The following HELZ variants were observed in gnomAD, a reference collection of about 807,000 sequenced individuals.
HELZ encodes the protein ATP-dependent RNA helicase with zinc finger domain.
Under a neutral mutation model 218.2 loss-of-function variants are expected in HELZ, and 23 were observed. The observed-to-expected ratio is 0.11, with a 90% CI of 0.08 to 0.15. HELZ has a LOEUF of 0.15. HELZ is among the 10% of genes least tolerant of loss of function. The pLI is 1.00. For missense variants in HELZ, 1,813 were observed against 2,353.7 expected (o/e 0.77, Z 4.75); for synonymous variants, 814 against 829.4 (o/e 0.98, Z 0.32).
chr17:67,116,009 C>G (rs996199570), intron 27 of HELZ, among the ~76,000 whole-genome samples: 2 of 151,874 alleles, frequency 1.3e-5, no homozygotes, highest in Non-Finnish European at 2.9e-5. Context: ...AAGTAAAATA[C>G]ATGATAACAA....
At chr17:67,150,917 C>T (rs1472368308) in intron 18 of HELZ, 129 bp downstream of exon 18, 2 of 708,082 alleles carry the variant, frequency 2.8e-6, no homozygotes, top group African/African-American at 3.6e-5. Context: ...AATAAATGAG[C>T]CAGTAAAACT....
At chr17:67,094,537 C>T (rs990242848) in intron 31 of HELZ, among the ~76,000 whole-genome samples, 2 of 151,950 alleles carry the variant, frequency 1.3e-5, no homozygotes, top group Admixed American at 6.6e-5. Flanking sequence ...ATGTGAGTCA[C>T]GTAAATTTTT....
At position 67,155,803 on chromosome 17, in the gene HELZ, C is replaced by T. The variant is rs904402745; in HGVS notation, c.2177+4458G>A. On this transcript the variant is annotated intron_variant, in intron 17 of 32. Coordinates refer to ENST00000358691, the MANE Select transcript of HELZ (RefSeq NM_014877.4). ...AGTGAGCCCAGATAGCCCCACTGCA[C>T]TCTATTTTGGGCAACAAAGCAAGAC... Among the ~76,000 whole-genome samples the T allele has an allele frequency of 2.7e-5, 4 of 150,356 alleles. No individual in the cohort carries two copies. In the East Asian group the frequency reaches 5.9e-4, roughly 22 times the overall value.
rs1041964594 is a variant in HELZ at position 67,073,459 on chromosome 17, G to C, written c.*4793C>G. The C allele has an allele frequency of 6.6e-6, 1 of 152,490 alleles. No individual in the cohort carries two copies. Among genetic ancestry groups the C allele is most frequent in the African/African-American group, 2.4e-5 (1 of 41,420 alleles). 9.4% of individuals were successfully genotyped at this position (152,490 alleles called of 1,614,324 possible). ...CTCTGTTGAACAAATTGCAAATAAA[G>C]TCTGGTCTAATACTCTGATAACTGA... On this transcript the variant is annotated 3_prime_UTR_variant, in exon 33 of 33. Coordinates refer to ENST00000358691, the MANE Select transcript of HELZ (RefSeq NM_014877.4).
Position 67,108,595 on chromosome 17 carries a change from G to A in HELZ, c.4621C>T (p.Gln1541Ter). The part of the protein sequence containing the change: ...PYPHHHHPHL[Q>*]HLPQPPLGLH... ...CCCAGGGGCGGCTGAGGAAGATGCT[G>A]GAGGTGAGGATGGTGATGGTGTGGG... Residue 1541 changes from glutamine to a stop codon, truncating the protein, a stop_gained, in exon 30 of 33, where the codon CAG (glutamine) becomes TAG (stop). Coordinates refer to ENST00000358691, the MANE Select transcript of HELZ (RefSeq NM_014877.4). LOFTEE classifies it high-confidence loss of function. The surrounding 1 kb of genome is among the most constrained non-coding windows in gnomAD (Gnocchi z 4.1). 1 of 1,614,092 alleles carries A rather than the reference G, an allele frequency of 6.2e-7. No homozygotes were observed. Among genetic ancestry groups the A allele is most frequent in the Non-Finnish European group, 8.5e-7 (1 of 1,179,980 alleles).
chr17:67,184,819 AC>A (rs1173503447), intron 12 of HELZ, among the ~76,000 whole-genome samples: 5 of 143,504 alleles, frequency 3.5e-5, no homozygotes, highest in Non-Finnish European at 7.5e-5. Flanking sequence ...CTGTCTCTAA[AC>A]AAATAAATAA....
intron 3 of HELZ, among the ~76,000 whole-genome samples, chr17:67,229,040 A>C (rs2040968475): frequency 2.0e-5 from 3 of 152,102 alleles, no homozygotes; most frequent in South Asian, 2.1e-4. Flanking sequence ...AAGTAACCCA[A>C]GTGAAGAGGA....
chr17:67,127,407 C>G (rs1267862832), intron 24 of HELZ, among the ~76,000 whole-genome samples: 1 of 152,138 alleles, frequency 6.6e-6, no homozygotes, highest in Non-Finnish European at 1.5e-5. Context: ...TGCCAAATCA[C>G]AAGTATTATT....
Position 67,107,206 on chromosome 17 carries a change from C to T in HELZ, c.5204G>A (p.Arg1735Gln), listed in dbSNP as rs1317050388. Residue 1735 changes from arginine (R) to glutamine (Q), a missense_variant, in exon 31 of 33, where the codon CGA (arginine) becomes CAA (glutamine). Transcript: ENST00000358691. ...GQEPFHPLSS[R>Q]TVSSSSLPSL... is the part of the protein sequence containing the mutation. ...AGGGAGCGAAGAAGAAGATACTGTT[C>T]GAGATGACAATGGGTGAAATGGCTC... The T allele has an allele frequency of 3.1e-6, 5 of 1,613,878 alleles. No homozygotes were observed. The highest frequency in any genetic ancestry group is 4.2e-6 in the Non-Finnish European group (5 of 1,179,978).
At chr17:67,167,994 T>C (rs1426580867) in intron 13 of HELZ, among the ~76,000 whole-genome samples, 198 bp from the exon 14 acceptor site, 1 of 151,814 alleles carries the variant, frequency 6.6e-6, no homozygotes, top group Non-Finnish European at 1.5e-5. Flanking sequence ...TTTTTTTTTG[T>C]TTTTTTGAGA....
intron 23 of HELZ, among the ~76,000 whole-genome samples, chr17:67,133,824 T>G (rs986496835): frequency 6.6e-6 from 1 of 152,216 alleles, no homozygotes; most frequent in Non-Finnish European, 1.5e-5. Context: ...CGGAACACTA[T>G]TCTTAAATCC....
chr17:67,085,529 G>C (rs767051998), intron 32 of HELZ, among the ~76,000 whole-genome samples: 1 of 147,942 alleles, frequency 6.8e-6, no homozygotes, highest in African/African-American at 2.5e-5. Context: ...CTTTTGCCAG[G>C]AAATAAAAGC....
chr17:67,160,874 G>C (rs1275852374), intron 16 of HELZ, 23 bp downstream of exon 16: 1 of 1,548,992 alleles, frequency 6.5e-7, no homozygotes, highest in Admixed American at 1.9e-5. Context: ...AGGGAAATAT[G>C]AGCACGCTTC....
chr17:67,194,087 G>C (rs987545195), intron 8 of HELZ, 45 bp from the exon 9 acceptor site: 2 of 1,333,878 alleles, frequency 1.5e-6, no homozygotes, highest in Non-Finnish European at 2.1e-6. Context: ...AGGCTAGCCA[G>C]TAATTCTGAT....
At chr17:67,152,942 T>G (rs1457511448) in intron 17 of HELZ, among the ~76,000 whole-genome samples, 1 of 152,088 alleles carries the variant, frequency 6.6e-6, no homozygotes, top group East Asian at 1.9e-4. Flanking sequence ...TAGGAGTAAC[T>G]GTGTTAAATG....
intron 23 of HELZ, among the ~76,000 whole-genome samples, chr17:67,133,399 A>C (rs990709882): frequency 5.9e-5 from 9 of 152,232 alleles, no homozygotes; most frequent in African/African-American, 2.2e-4. Context: ...ATCTCATGCA[A>C]TTCACAGTAT....
At chr17:67,240,658 C>T (rs1395832213) in intron 2 of HELZ, among the ~76,000 whole-genome samples, 1 of 152,164 alleles carries the variant, frequency 6.6e-6, no homozygotes, top group Admixed American at 6.5e-5. Flanking sequence ...AACATTCACA[C>T]TTCAGAATAG....
chr17:67,128,552 A>G lies in HELZ; in HGVS notation c.3387+99T>C, dbSNP rs772089672. 7.6e-4 allele frequency: 819 copies of G among 1,083,836 alleles called. 4 individuals are homozygous for G. The highest frequency in any genetic ancestry group is 2.5e-4 in the Non-Finnish European group (177 of 715,390). The allele number at this position is 1,083,836 out of a possible 1,614,324, so 67.1% of individuals were successfully genotyped here. A position where few individuals can be genotyped will look rare whatever the true frequency, so the allele number is the denominator to read the frequency against. ...CGCTTGCCGCCAAATGTAACCTTCA[A>G]TTCCAACACTTAAAGTAACTTGCAT... On this transcript the variant is annotated intron_variant, in intron 24 of 32. Transcript: ENST00000358691.
In HELZ at chr17:67,087,075, G is replaced by A. The variant is rs554835410; in HGVS notation, c.5248C>T (p.Pro1750Ser). 1.2e-6 allele frequency: 2 copies of A among 1,613,844 alleles called. No individual in the cohort carries two copies. The highest frequency in any genetic ancestry group is 1.1e-5 in the South Asian group (1 of 91,072). The change falls in exon 32 of 33, where the codon CCC (proline) becomes TCC (serine). Residue 1750 changes from proline (P) to serine (S), a missense_variant. Around this residue, in one of 4 missense-constraint regions of HELZ, gnomAD observed 938 missense variants for 1,027.5 expected, o/e 0.91. Coordinates refer to ENST00000358691, the MANE Select transcript of HELZ (RefSeq NM_014877.4). ...SSLPSLEEYE[P>S]RGPGRPLYQR... ...TACAAGGGCCGACCAGGTCCTCTGGGCTCATACTACACAAAGAAAAAGAAC... is the reference window on the plus strand; with the variant it reads ...TACAAGGGCCGACCAGGTCCTCTGGACTCATACTACACAAAGAAAAAGAAC...
Sources: gnomAD v4.1 joint callset for allele counts (sites outside exome capture counted in the v4.1 genomes callset) on GRCh38, gnomAD v4.1.1 for gene constraint, gnomAD v4.1.1 regional missense constraint, Gnocchi (gnomAD v3.1) non-coding constraint, MANE v1.5 for transcripts, NCBI Gene and HGNC (gene_info 2026-07-23, HGNC 2026-07-21) for gene names.